M1AP: variants seen among roughly 807,000 people sequenced by gnomAD.
The protein encoded by M1AP is meiosis 1 arrest protein.
M1AP carries 39 observed loss-of-function variants against 51.2 expected under a neutral mutation model. That is an observed-to-expected ratio of 0.76 (90% CI 0.59 to 1.00). M1AP has a LOEUF of 1.00. Among genes scored for constraint, M1AP ranks in the 50% least tolerant of loss-of-function variants. The pLI is 0.00. For missense variants in M1AP, 545 were observed against 641.2 expected, an observed-to-expected ratio of 0.85 and a Z score of 1.62; for synonymous variants, 251 against 249.2, an observed-to-expected ratio of 1.01 and a Z score of -0.07.
intron 1 of M1AP, among the ~76,000 whole-genome samples, chr2:74,645,649 T>C (rs1416151402): frequency 6.6e-6 from 1 of 152,228 alleles, no homozygotes. Context: ...TAGAAATTTC[T>C]GCATCAACTC....
rs1359427735 is a variant in M1AP at position 74,576,498 on chromosome 2, G to A, written c.890C>T (p.Ala297Val). The stretch of plus-strand genomic sequence containing the variant: ...GTAATGAGAGGCCGATGACTGGGAA[G>A]CCATCTGGTAGAGTGTGATGAAGTC... Reference protein sequence around the residue: ...KGDFITLYQMASQSSASHYKL... With the variant: ...KGDFITLYQMVSQSSASHYKL... The change falls in exon 6 of 11, where the codon GCT (alanine) becomes GTT (valine). Residue 297 changes from alanine (A) to valine (V), a missense_variant. Ala to Val is a moderately conservative substitution (Grantham distance 64). Coordinates refer to ENST00000421985, the MANE Select transcript of M1AP (RefSeq NM_001321739.2). The A allele has an allele frequency of 6.2e-7, 1 of 1,613,994 alleles. No individual in the cohort carries two copies. Among genetic ancestry groups the A allele is most frequent in the Admixed American group, 1.7e-5 (1 of 60,006 alleles).
intron 4 of M1AP, among the ~76,000 whole-genome samples, chr2:74,598,258 T>C (rs1481522748): frequency 6.6e-6 from 1 of 152,102 alleles, no homozygotes. Flanking sequence ...GGTGTGCACC[T>C]GTAATCCCAG....
At chr2:74,637,837 T>C (rs1484044679) in intron 2 of M1AP, among the ~76,000 whole-genome samples, 1 of 152,210 alleles carries the variant, frequency 6.6e-6, no homozygotes, top group Non-Finnish European at 1.5e-5. Flanking sequence ...CTCATGTGCA[T>C]GTACTGATCA....
intron 1 of M1AP, among the ~76,000 whole-genome samples, chr2:74,644,354 A>G (rs970036404): frequency 2.0e-5 from 3 of 152,152 alleles, no homozygotes; most frequent in Non-Finnish European, 4.4e-5. Flanking sequence ...CCTGACCAAC[A>G]TGGTAAAACC....
At chr2:74,615,459 T>C (rs1380124034) in intron 2 of M1AP, 2 of 302,550 alleles carry the variant, frequency 6.6e-6, no homozygotes, top group African/African-American at 2.1e-5. Flanking sequence ...AGTTTTACTT[T>C]GGGGTGACCT....
chr2:74,629,719 T>C (rs1280357245), intron 2 of M1AP, among the ~76,000 whole-genome samples: 1 of 151,830 alleles, frequency 6.6e-6, no homozygotes, highest in Admixed American at 6.6e-5. Flanking sequence ...GCCACTGCAC[T>C]CTAGCCCGGG....
At chr2:74,568,886 G>C (rs1251061354) in intron 7 of M1AP, among the ~76,000 whole-genome samples, 2 of 152,186 alleles carry the variant, frequency 1.3e-5, no homozygotes, top group African/African-American at 4.8e-5. Flanking sequence ...AGTGAAACAG[G>C]ATGCTCAGCC....
At chr2:74,589,079 C>T (rs1185931417) in intron 4 of M1AP, among the ~76,000 whole-genome samples, 1 of 152,190 alleles carries the variant, frequency 6.6e-6, no homozygotes, top group African/African-American at 2.4e-5. Flanking sequence ...CGCGCGCGTG[C>T]ATGCATGTGA....
chr2:74,617,770 A>C (rs776127674), intron 2 of M1AP, among the ~76,000 whole-genome samples: 1 of 152,244 alleles, frequency 6.6e-6, no homozygotes, highest in African/African-American at 2.4e-5. Flanking sequence ...TAAAATAAGC[A>C]ATGTTCTATA....
At chr2:74,577,383 T>C (rs1387396237) in intron 5 of M1AP, among the ~76,000 whole-genome samples, 1 of 152,234 alleles carries the variant, frequency 6.6e-6, no homozygotes, top group Non-Finnish European at 1.5e-5. Flanking sequence ...TATGATGATC[T>C]GTTACACAAG....
At chr2:74,643,339 A>G (rs1683420638) in intron 1 of M1AP, among the ~76,000 whole-genome samples, 1 of 152,226 alleles carries the variant, frequency 6.6e-6, no homozygotes, top group African/African-American at 2.4e-5. Context: ...GATGATTCTA[A>G]GAAACATAAT....
chr2:74,605,582 C>G lies in M1AP; in HGVS notation c.595+1473G>C, dbSNP rs538736591. 2.6e-5 allele frequency among the ~76,000 whole-genome samples: 4 copies of G among 152,124 alleles called. No homozygotes were observed. In the East Asian group the frequency reaches 7.7e-4, roughly 29 times the overall value. ...GTATAGCAGATATCTAGAACTTACT[C>G]ATCTTTTTCATCATGACATGGTTTT... On this transcript the variant is annotated intron_variant, in intron 4 of 10. Transcript: ENST00000421985.
intron 4 of M1AP, among the ~76,000 whole-genome samples, chr2:74,596,654 A>G (rs548531641): frequency 9.1e-4 from 139 of 152,240 alleles, no homozygotes; most frequent in Non-Finnish European, 1.4e-3. Flanking sequence ...ACATATATCC[A>G]CACAAAGATT....
In M1AP at chr2:74,604,916, G is replaced by T. The variant is rs141431589; in HGVS notation, c.595+2139C>A. On this transcript the variant is annotated intron_variant, in intron 4 of 10. Coordinates refer to ENST00000421985, the MANE Select transcript of M1AP (RefSeq NM_001321739.2). ...AAAAAAATCCTAGGAGATAATTCAA[G>T]AATAAAAGTCTGGCCAGGCATGGTA... 1.8e-3 allele frequency among the ~76,000 whole-genome samples: 279 copies of T among 152,206 alleles called. 4 individuals are homozygous for T. Among genetic ancestry groups the T allele is most frequent in the African/African-American group, 6.4e-3 (265 of 41,546 alleles).
At chr2:74,563,476 G>A (rs1678167050) in intron 7 of M1AP, among the ~76,000 whole-genome samples, 1 of 152,082 alleles carries the variant, frequency 6.6e-6, no homozygotes, top group African/African-American at 2.4e-5. Context: ...GCGCATGCCT[G>A]TAATCCGAGC....
At position 74,648,190 on chromosome 2, in the gene M1AP, C is replaced by T. The variant is rs903452162; in HGVS notation, c.-53+75G>A. ...TGAGGACTGGCCCGAGCTCGGCCCACGCCCAGCCCAGCCTGCGAAGTGGTG... is the reference window on the plus strand; with the variant it reads ...TGAGGACTGGCCCGAGCTCGGCCCATGCCCAGCCCAGCCTGCGAAGTGGTG... On this transcript the variant is annotated intron_variant, in intron 1 of 10. Transcript: ENST00000421985. 5.2e-6 allele frequency: 5 copies of T among 957,846 alleles called. No homozygotes were observed. In the African/African-American group the frequency reaches 8.8e-5, roughly 17 times the overall value. 59.3% of individuals were successfully genotyped at this position (957,846 alleles called of 1,614,324 possible).
intron 4 of M1AP, among the ~76,000 whole-genome samples, chr2:74,591,033 C>A (rs1360946494): frequency 6.6e-6 from 1 of 152,134 alleles, no homozygotes; most frequent in Non-Finnish European, 1.5e-5. Context: ...ATAGTGATAC[C>A]TAGGCTAAGG....
chr2:74,578,747 A>C (rs1233047104), intron 5 of M1AP, among the ~76,000 whole-genome samples: 1 of 152,178 alleles, frequency 6.6e-6, no homozygotes, highest in Non-Finnish European at 1.5e-5. Flanking sequence ...TAGGCAAAGA[A>C]GCAGCTGGCA....
At chr2:74,592,639 CA>C (rs1232170923) in intron 4 of M1AP, among the ~76,000 whole-genome samples, 1 of 151,962 alleles carries the variant, frequency 6.6e-6, no homozygotes, top group African/African-American at 2.4e-5. Context: ...TTTGCCATGC[CA>C]AAGATTTTTA....
Sources: allele counts gnomAD v4.1 joint callset (sites outside exome capture counted in the v4.1 genomes callset), GRCh38; gene constraint gnomAD v4.1.1; transcripts MANE v1.5; gene names NCBI Gene and HGNC (gene_info 2026-07-23, HGNC 2026-07-21).